PPP2R2D: variants seen among roughly 807,000 people sequenced by gnomAD.
PPP2R2D encodes protein phosphatase 2 regulatory subunit Bdelta.
PPP2R2D carries 9 observed loss-of-function variants against 31.1 expected under a neutral mutation model. The ratio of observed to expected loss-of-function variants is 0.29; its 90% CI spans 0.17 to 0.51. The LOEUF is 0.51. Ranked by LOEUF, PPP2R2D falls within the 20% of genes least tolerant of loss-of-function variation. PPP2R2D has a pLI of 0.98. For missense variants in PPP2R2D, 391 were observed against 465.6 expected, an observed-to-expected ratio of 0.84 and a Z score of 1.48; for synonymous variants, 179 against 172.6, an observed-to-expected ratio of 1.04 and a Z score of -0.29.
intron 2 of PPP2R2D, among the ~76,000 whole-genome samples, chr10:131,916,038 C>T (rs1397887154): frequency 6.6e-6 from 1 of 152,152 alleles, no homozygotes; most frequent in African/African-American, 2.4e-5. Context: ...TCTGTGTACG[C>T]CCTAAAGTAC....
At position 131,901,783 on chromosome 10, in the gene PPP2R2D, T is replaced by TCGGCCCCC. The variant is rs1411595808; in HGVS notation, c.100+454_100+461dup. 3.1e-3 allele frequency among the ~76,000 whole-genome samples: 473 copies of TCGGCCCCC among 152,128 alleles called. 6 individuals are homozygous for TCGGCCCCC. Among genetic ancestry groups the TCGGCCCCC allele is most frequent in the African/African-American group, 0.011 (449 of 41,544 alleles). ...ACGCGCCTAGGGCTGGGTCGGGGCC[T>TCGGCCCCC]CGGCCCCCACCAGGCTCTGCGTTTC... is the stretch of plus-strand genomic sequence containing the variant. On this transcript the variant is annotated intron_variant, in intron 2 of 8. Coordinates refer to ENST00000455566, the MANE Select transcript of PPP2R2D (RefSeq NM_018461.5).
chr10:131,970,061 C>T, the PPP2R2D span: 1 of 152,744 alleles, frequency 6.5e-6, no homozygotes, highest in African/African-American at 2.4e-5. The surrounding 1 kb of genome is among the most constrained non-coding windows in gnomAD (Gnocchi z 4.1). Context: ...CACCTGTAAT[C>T]CCAGCTACCC....
At chr10:131,960,766 T>C (rs2036911092), downstream of PPP2R2D, among the ~76,000 whole-genome samples, 1 of 152,184 alleles carries the variant, frequency 6.6e-6, no homozygotes, top group Admixed American at 6.5e-5. Context: ...CTCCTAAACC[T>C]GTGCTGTGCG....
At chr10:131,924,466 T>C (rs2036060627) in intron 2 of PPP2R2D, among the ~76,000 whole-genome samples, 1 of 152,198 alleles carries the variant, frequency 6.6e-6, no homozygotes, top group South Asian at 2.1e-4. Flanking sequence ...GGTACACTTG[T>C]TGAAAATCAG....
intron 5 of PPP2R2D, 104 bp from the exon 6 acceptor site, chr10:131,943,864 T>C: frequency 1.5e-6 from 1 of 660,178 alleles, no homozygotes; most frequent in African/African-American, 1.9e-5. Flanking sequence ...AATTATTACT[T>C]AGCCATGAAT....
At chr10:131,903,025 T>A (rs1480446657) in intron 2 of PPP2R2D, among the ~76,000 whole-genome samples, 1 of 152,098 alleles carries the variant, frequency 6.6e-6, no homozygotes, top group Non-Finnish European at 1.5e-5. Context: ...GTGCTGAGAT[T>A]ATAGGCGTGA....
At chr10:131,953,322 C>CG (rs1365485324) in intron 8 of PPP2R2D, among the ~76,000 whole-genome samples, 4 of 63,274 alleles carry the variant, frequency 6.3e-5, no homozygotes, top group South Asian at 5.4e-4. Context: ...TGCAGGTGTG[C>CG]GGGGGTTCAC....
intron 2 of PPP2R2D, among the ~76,000 whole-genome samples, chr10:131,930,663 T>G (rs2036204561): frequency 6.6e-6 from 1 of 152,244 alleles, no homozygotes. Flanking sequence ...CCTCTCCGCA[T>G]GTGACCTGTT....
intron 2 of PPP2R2D, among the ~76,000 whole-genome samples, chr10:131,916,870 G>A (rs1168813213): frequency 6.9e-6 from 1 of 145,818 alleles, no homozygotes; most frequent in Non-Finnish European, 1.5e-5. Context: ...TGGAATGACA[G>A]TGTTTGTAGG....
Position 131,959,683 on chromosome 10 carries a change from T to G in PPP2R2D, c.*3720T>G, listed in dbSNP as rs1554901138. On this transcript the variant is annotated 3_prime_UTR_variant, in exon 9 of 9. Transcript: ENST00000455566. ...AATAATTTATATACTGTATATTGAT[T>G]GTGACACAATTTACAAAGTCTGAGG... 1 of 152,338 alleles carries G rather than the reference T, an allele frequency of 6.6e-6. No individual in the cohort carries two copies. The highest frequency in any genetic ancestry group is 1.9e-4 in the East Asian group (1 of 5,198). 9.4% of individuals were successfully genotyped at this position (152,338 alleles called of 1,614,324 possible).
intron 2 of PPP2R2D, among the ~76,000 whole-genome samples, chr10:131,922,985 G>A (rs1589936469): frequency 6.6e-6 from 1 of 152,166 alleles, no homozygotes; most frequent in Non-Finnish European, 1.5e-5. Flanking sequence ...TTTTTATGGG[G>A]TAGTTTTACT....
At chr10:131,907,023 A>C (rs2035600419) in intron 2 of PPP2R2D, among the ~76,000 whole-genome samples, 1 of 151,912 alleles carries the variant, frequency 6.6e-6, no homozygotes, top group Non-Finnish European at 1.5e-5. Flanking sequence ...ATAATCTCCT[A>C]TAATGTCTTT....
intron 8 of PPP2R2D, among the ~76,000 whole-genome samples, chr10:131,955,059 A>G (rs1325518972): frequency 3.3e-5 from 5 of 152,186 alleles, no homozygotes; most frequent in African/African-American, 1.2e-4. Context: ...CGGTAGTAGA[A>G]TTTTTCGACA....
chr10:131,945,024 G>A lies in PPP2R2D; in HGVS notation c.656-271G>A, dbSNP rs2036509002. On this transcript the variant is annotated intron_variant, in intron 6 of 8. Transcript: ENST00000455566. The surrounding 1 kb of genome is among the most constrained non-coding windows in gnomAD (Gnocchi z 4.8). ...ACTATCTTGCTATTAAGGGCTTTCTGTATAACATTAATAATAGCAGCAAGA... is the reference window on the plus strand; with the variant it reads ...ACTATCTTGCTATTAAGGGCTTTCTATATAACATTAATAATAGCAGCAAGA... Among the ~76,000 whole-genome samples, 1 of 152,106 alleles carries A rather than the reference G, an allele frequency of 6.6e-6. No individual in the cohort carries two copies. Among genetic ancestry groups the A allele is most frequent in the South Asian group, 2.1e-4 (1 of 4,816 alleles).
chr10:131,957,423 T>G lies in PPP2R2D; in HGVS notation c.*1460T>G. ...CTGTGGAGATGGAGGTGTGTGCTGA[T>G]CCCCCATCCCATCCCCCTGTCTAGA... On this transcript the variant is annotated 3_prime_UTR_variant, in exon 9 of 9. Transcript: ENST00000455566. 5.2e-6 allele frequency: 1 copy of G among 191,106 alleles called. No individual in the cohort carries two copies. The highest frequency in any genetic ancestry group is 1.1e-5 in the Non-Finnish European group (1 of 93,422). The allele number at this position is 191,106 out of a possible 1,614,324, so 11.8% of individuals were successfully genotyped here.
intron 2 of PPP2R2D, among the ~76,000 whole-genome samples, chr10:131,904,042 A>G (rs1270550976): frequency 3.3e-5 from 5 of 152,070 alleles, no homozygotes; most frequent in Non-Finnish European, 1.5e-5. Context: ...CATCTCTACT[A>G]AAAATACAAA....
intron 8 of PPP2R2D, among the ~76,000 whole-genome samples, chr10:131,953,256 G>T (rs2036720447): frequency 9.9e-6 from 1 of 101,024 alleles, no homozygotes; most frequent in Non-Finnish European, 1.9e-5. Flanking sequence ...CTTGCGGGGG[G>T]GTCCCTGTCT....
At chr10:131,916,713 G>A (rs548797242) in intron 2 of PPP2R2D, among the ~76,000 whole-genome samples, 241 of 148,296 alleles carry the variant, frequency 1.6e-3, no homozygotes, top group South Asian at 5.6e-3. Context: ...TGTTTGTAGG[G>A]ACCTCAGGCA....
At chr10:131,932,646 C>CAGAAAAAAAAAAAAAAAAAAAAAAAA (rs2036258352) in intron 2 of PPP2R2D, among the ~76,000 whole-genome samples, 1 of 57,860 alleles carries the variant, frequency 1.7e-5, no homozygotes, top group Non-Finnish European at 3.1e-5. Context: ...CAGCCTGTCT[C>CAGAAAAAAAAAAAAAAAAAAAAAAAA]AAAAAAAAAA....
Sources: gnomAD v4.1 joint callset for allele counts (sites outside exome capture counted in the v4.1 genomes callset) on GRCh38, gnomAD v4.1.1 for gene constraint, Gnocchi (gnomAD v3.1) non-coding constraint, MANE v1.5 for transcripts, NCBI Gene and HGNC (gene_info 2026-07-23, HGNC 2026-07-21) for gene names.